The following WNK1 variants were observed in gnomAD, a reference collection of about 807,000 sequenced individuals.
WNK1 encodes serine/threonine-protein kinase WNK1.
In WNK1, 38 loss-of-function variants were observed where a neutral mutation model predicts 222.8. The observed-to-expected ratio is 0.17, with a 90% CI of 0.13 to 0.22. The LOEUF (loss-of-function observed/expected upper bound fraction) is 0.22. Among genes scored for constraint, WNK1 ranks in the 10% least tolerant of loss-of-function variants. The pLI is 1.00. For missense variants in WNK1, 2,348 were observed against 2,918.4 expected (o/e 0.80, Z 4.50); for synonymous variants, 1,090 against 1,092.9 (o/e 1.00, Z 0.05).
At chr12:868,049 C>A (rs1951827529) in intron 8 of WNK1, 2 of 1,614,016 alleles carry the variant, frequency 1.2e-6, no homozygotes, top group South Asian at 2.2e-5. Context: ...CCACTTCCAA[C>A]CCCTGCTGAG....
At chr12:767,812 A>T (rs1941958092) in intron 1 of WNK1, among the ~76,000 whole-genome samples, 1 of 152,142 alleles carries the variant, frequency 6.6e-6, no homozygotes, top group African/African-American at 2.4e-5. Context: ...CTTTTTCTGC[A>T]TACTTCTACA....
chr12:852,475 C>T (rs1197057372), intron 4 of WNK1, among the ~76,000 whole-genome samples: 1 of 152,116 alleles, frequency 6.6e-6, no homozygotes, highest in Non-Finnish European at 1.5e-5. Flanking sequence ...AAAGATAACT[C>T]TTGTGAATTA....
intron 11 of WNK1, 84 bp from the exon 12 acceptor site, chr12:880,637 T>C: frequency 1.3e-5 from 14 of 1,059,846 alleles, no homozygotes; most frequent in Non-Finnish European, 1.8e-5. Flanking sequence ...TGTGCTTCTT[T>C]TTTTTTTTTT....
At chr12:799,040 T>C (rs1390467145) in intron 1 of WNK1, among the ~76,000 whole-genome samples, 1 of 152,218 alleles carries the variant, frequency 6.6e-6, no homozygotes, top group Non-Finnish European at 1.5e-5. Flanking sequence ...GGAATTCTTG[T>C]AACAACCTTC....
At chr12:899,689 G>C (rs961054713) in intron 25 of WNK1, among the ~76,000 whole-genome samples, 2 of 152,164 alleles carry the variant, frequency 1.3e-5, no homozygotes, top group Non-Finnish European at 2.9e-5. Context: ...CCGACCTATT[G>C]AAAGCAACCT....
chr12:769,581 C>G (rs1942221981), intron 1 of WNK1, among the ~76,000 whole-genome samples: 2 of 152,132 alleles, frequency 1.3e-5, no homozygotes, highest in African/African-American at 4.8e-5. Context: ...GTTCTCAGTT[C>G]ATTTTATTAT....
chr12:811,930 C>A (rs1946944620), intron 1 of WNK1, among the ~76,000 whole-genome samples: 1 of 152,054 alleles, frequency 6.6e-6, no homozygotes, highest in African/African-American at 2.4e-5. Context: ...TATAAAGTAG[C>A]CTGTATTTAT....
In WNK1 at chr12:868,689, G is replaced by A. The variant is rs745947901; in HGVS notation, c.2140-2576G>A. The A allele has an allele frequency of 1.2e-5, 19 of 1,613,896 alleles. No homozygotes were observed. The highest frequency in any genetic ancestry group is 6.7e-5 in the East Asian group (3 of 44,880). ...GAAGGAGGTGGAATTTTACCTCAGC[G>A]TGTTTACCGAAATCGGCAGGTTGCA... On this transcript the variant is annotated intron_variant, in intron 8 of 27. Transcript: ENST00000315939.
chr12:864,112 T>TG, intron 8 of WNK1, among the ~76,000 whole-genome samples: 1 of 142,876 alleles, frequency 7.0e-6, no homozygotes, highest in Non-Finnish European at 1.5e-5. Context: ...TTTTTTAAGT[T>TG]TTTTTTTTTT....
intron 4 of WNK1, among the ~76,000 whole-genome samples, chr12:845,365 A>C (rs1486014744): frequency 6.6e-6 from 1 of 152,154 alleles, no homozygotes; most frequent in Non-Finnish European, 1.5e-5. Context: ...AAACACACCC[A>C]CAGACCCCAG....
intron 1 of WNK1, among the ~76,000 whole-genome samples, chr12:809,005 C>T (rs968530740): frequency 2.6e-5 from 4 of 151,976 alleles, no homozygotes; most frequent in Admixed American, 1.3e-4. Context: ...CTCAGGTGAT[C>T]TGCCCACCTT....
chr12:766,261 T>C (rs1821634262), intron 1 of WNK1, among the ~76,000 whole-genome samples: 2 of 152,126 alleles, frequency 1.3e-5, no homozygotes, highest in South Asian at 4.1e-4. Context: ...AATATATGTA[T>C]GTAAATAAAA....
chr12:883,922 G>T, intron 17 of WNK1, 91 bp downstream of exon 17: 1 of 1,542,386 alleles, frequency 6.5e-7, no homozygotes, highest in Middle Eastern at 2.2e-4. Flanking sequence ...CAGCTACTCA[G>T]GAGGCCGAGG....
rs1275801853 is a variant in WNK1 at position 908,665 on chromosome 12, G to A, written c.7022G>A (p.Gly2341Asp). The A allele has an allele frequency of 6.2e-7, 1 of 1,614,080 alleles. No homozygotes were observed. The highest frequency in any genetic ancestry group is 1.3e-5 in the African/African-American group (1 of 74,916). Residue 2341 changes from glycine to aspartate, a missense_variant, in exon 28 of 28, where the codon GGT (glycine) becomes GAT (aspartate). This residue lies in a region of WNK1 where 76 missense variants were observed against 85.7 expected (regional missense o/e 0.89). Coordinates refer to ENST00000315939, the MANE Select transcript of WNK1 (RefSeq NM_018979.4). ...TTTGGCGCTCAATGGAGTGGGACGGGTGGCCCAGCACCACAGCCACTTGGC... is the reference window on the plus strand; with the variant it reads ...TTTGGCGCTCAATGGAGTGGGACGGATGGCCCAGCACCACAGCCACTTGGC... ...TPFGAQWSGTGGPAPQPLGQF... is the reference protein window; with the variant it reads ...TPFGAQWSGTDGPAPQPLGQF...
At chr12:849,045 T>TA (rs1299189633) in intron 4 of WNK1, among the ~76,000 whole-genome samples, 10 of 152,128 alleles carry the variant, frequency 6.6e-5, no homozygotes, top group Non-Finnish European at 1.3e-4. Context: ...AGCATGGTCC[T>TA]ACACAGGCTT....
chr12:862,051 CTCTT>C (rs759706330), intron 7 of WNK1, 28 bp from the exon 8 acceptor site: 46 of 1,612,824 alleles, frequency 2.9e-5, no homozygotes, highest in Non-Finnish European at 3.6e-5. Context: ...CTTTCTCTCT[CTCTT>C]TTTTTTGGCG....
At chr12:848,496 C>CTTTTTTTTTTTTTTTTTTT (rs10644583) in intron 4 of WNK1, among the ~76,000 whole-genome samples, 1 of 99,258 alleles carries the variant, frequency 1.0e-5, no homozygotes. Context: ...CCAGTAAAAA[C>CTTTTTTTTTTTTTTTTTTT]TTTTTTTTTT....
intron 1 of WNK1, among the ~76,000 whole-genome samples, chr12:765,680 C>T (rs1172870478): frequency 6.6e-6 from 1 of 152,094 alleles, no homozygotes; most frequent in Admixed American, 6.5e-5. Context: ...CTTCTAATCT[C>T]AGCACTTCTG....
Position 907,828 on chromosome 12 carries a change from A to G in WNK1, c.6644-19A>G. On this transcript the variant is annotated intron_variant, in intron 26 of 27. Transcript: ENST00000315939. The stretch of plus-strand genomic sequence containing the variant: ...AACCTAGGCTTCTTTTAATGCTCGT[A>G]TTCTGTTGCTTATAATAGGAACCAG... 1.2e-6 allele frequency: 2 copies of G among 1,612,868 alleles called. No individual in the cohort carries two copies. The highest frequency in any genetic ancestry group is 1.7e-6 in the Non-Finnish European group (2 of 1,179,972).
Sources: gnomAD v4.1 joint callset for allele counts (sites outside exome capture counted in the v4.1 genomes callset) on GRCh38, gnomAD v4.1.1 for gene constraint, gnomAD v4.1.1 regional missense constraint, MANE v1.5 for transcripts, NCBI Gene and HGNC (gene_info 2026-07-23, HGNC 2026-07-21) for gene names.